Variants in PLEC observed in about 807,000 individuals in gnomAD.
PLEC encodes the protein plectin.
PLEC carries 216 observed loss-of-function variants against 392.8 expected under a neutral mutation model. The ratio of observed to expected loss-of-function variants is 0.55; its 90% confidence interval spans 0.49 to 0.62. The LOEUF is 0.62. Ranked by LOEUF, PLEC falls within the 20% of genes least tolerant of loss-of-function variation. The pLI, the probability that PLEC is intolerant of heterozygous loss-of-function variation, is 0.00. For missense variants in PLEC, 6,863 were observed against 6,563.4 expected (o/e 1.05, Z -1.58); for synonymous variants, 3,621 against 2,980.6 (o/e 1.21, Z -7.00).
At chr8:143,947,915 G>A (rs1831689838) in intron 1 of PLEC, among the ~76,000 whole-genome samples, 1 of 152,168 alleles carries the variant, frequency 6.6e-6, no homozygotes, top group Non-Finnish European at 1.5e-5. Flanking sequence ...CCCTCTCTCT[G>A]GGCTGCTCCT....
intron 1 of PLEC, among the ~76,000 whole-genome samples, chr8:143,947,437 C>T (rs1480870942): frequency 2.0e-5 from 3 of 152,220 alleles, no homozygotes; most frequent in African/African-American, 7.2e-5. Flanking sequence ...GAATTTTGAG[C>T]CAGGCAAAGC....
chr8:143,962,388 C>T (rs1017535669), intron 1 of PLEC, among the ~76,000 whole-genome samples: 1 of 152,188 alleles, frequency 6.6e-6, no homozygotes, highest in Admixed American at 6.5e-5. Flanking sequence ...TTCTGGCCTC[C>T]GGAACAATCA....
In PLEC at chr8:143,924,892, C is replaced by T. The variant is rs782627006; in HGVS notation, c.5037G>A (p.Ala1679=). 91 of 1,588,798 alleles carry T rather than the reference C, an allele frequency of 5.7e-5. No homozygotes were observed. In the Middle Eastern group the frequency reaches 1.2e-3, roughly 20 times the overall value. ...AEREARRRGK[A]EEQAVRQREL... The stretch of plus-strand genomic sequence containing the variant: ...CCCGCTGCCGGACGGCCTGCTCCTC[C>T]GCCTTGCCGCGCCGCCGCGCCTCGC... Residue 1679 remains alanine, a synonymous_variant, in exon 31 of 32, where the codon GCG becomes GCA. Transcript: ENST00000345136.
chr8:143,919,207 CA>C lies in PLEC; in HGVS notation c.10613del (p.Leu3538CysfsTer6). 6.2e-7 allele frequency: 1 copy of C among 1,613,844 alleles called. No homozygotes were observed. The highest frequency in any genetic ancestry group is 8.5e-7 in the Non-Finnish European group (1 of 1,180,034). ...CCGCCCCTTTCAGTGGCAGAAGGCG[CA>C]AGCCCGTCTCGGGGTCCTCCACGCA... Reference protein sequence around the residue: ...ERCVEDPETGLRLLPLKGAEK... With the variant: ...ERCVEDPETGXRLLPLKGAEK... On this transcript the variant is annotated frameshift_variant, in exon 32 of 32. Transcript: ENST00000345136. LOFTEE classifies it high-confidence loss of function.
rs2131583345 is a variant in PLEC, at chr8:143,927,091, T to G, written c.3841-10A>C. The G allele has an allele frequency of 6.2e-7, 1 of 1,606,492 alleles. No homozygotes were observed. Among genetic ancestry groups the G allele is most frequent in the Non-Finnish European group, 8.5e-7 (1 of 1,176,880 alleles). Reference sequence around the variant, plus strand: ...GCTGGAGTTCATAGTCCTGTGGCAATGCACTGCGGTCAGCCACCAGCTCTG... The same window carrying G: ...GCTGGAGTTCATAGTCCTGTGGCAAGGCACTGCGGTCAGCCACCAGCTCTG... On this transcript the variant is annotated splice_polypyrimidine_tract_variant and intron_variant, in intron 28 of 31. Transcript: ENST00000345136.
chr8:143,926,603 C>G (rs1825275743), intron 30 of PLEC, among the ~76,000 whole-genome samples, 181 bp downstream of exon 30: 2 of 152,126 alleles, frequency 1.3e-5, no homozygotes, highest in South Asian at 2.1e-4. Context: ...GCCAGGGGGG[C>G]AGGCCACAGG....
chr8:143,927,539 C>A lies in PLEC; in HGVS notation c.3627G>T (p.Leu1209=). ...QRELEQLGRQ[L]RYYRESADPL... ...GGTCTGCACTCTCGCGGTAGTAACGCAGCTGGCGGCCCAGTTGCTCGAGCT... is the reference window on the plus strand; with the variant it reads ...GGTCTGCACTCTCGCGGTAGTAACGAAGCTGGCGGCCCAGTTGCTCGAGCT... The change falls in exon 27 of 32, where the codon CTG becomes CTT. Residue 1209 remains leucine (L), a synonymous_variant. Transcript: ENST00000345136. 6.3e-7 allele frequency: 1 copy of A among 1,596,802 alleles called. No individual in the cohort carries two copies. Among genetic ancestry groups the A allele is most frequent in the Non-Finnish European group, 8.5e-7 (1 of 1,178,752 alleles).
upstream of PLEC, chr8:143,954,043 G>T: frequency 1.4e-6 from 1 of 732,496 alleles, no homozygotes; most frequent in African/African-American, 1.9e-5. The surrounding 1 kb of genome is among the most constrained non-coding windows in gnomAD (Gnocchi z 4.6). Flanking sequence ...TCACCAGGCC[G>T]GATCCAGGAG....
intron 1 of PLEC, chr8:143,946,387 G>GT: frequency 1.6e-6 from 2 of 1,288,830 alleles, no homozygotes; most frequent in Non-Finnish European, 1.0e-6. Context: ...TGCTGTACCT[G>GT]TCCATGGCTG....
chr8:143,923,773 C>T lies in PLEC; in HGVS notation c.6156G>A (p.Lys2052=), dbSNP rs782488625. The T allele has an allele frequency of 8.9e-5, 140 of 1,569,440 alleles. No individual in the cohort carries two copies. Among genetic ancestry groups the T allele is most frequent in the Middle Eastern group, 3.3e-4 (2 of 5,992 alleles). The change falls in exon 31 of 32, where the codon AAG becomes AAA. Residue 2052 remains lysine (K), a synonymous_variant. Coordinates refer to ENST00000345136, the MANE Select transcript of PLEC (RefSeq NM_201384.3). ...AAQKRLQAEE[K]AHAFAVQQKE... is the part of the protein sequence containing the mutation. ...TCTGCTGCACCGCGAAGGCGTGTGC[C>T]TTCTCTTCCGCCTGCAGCCGCTTCT...
chr8:143,944,795 C>G, intron 1 of PLEC: 1 of 981,142 alleles, frequency 1.0e-6, no homozygotes, highest in Non-Finnish European at 1.4e-6. Context: ...GTGCTGCTGT[C>G]AGCAGCAGCT....
Position 143,935,179 on chromosome 8 carries a change from G to C in PLEC, c.718+19C>G. On this transcript the variant is annotated intron_variant, in intron 7 of 31. Transcript: ENST00000345136. ...AGGCAGCAGGGGAAGGGACAGGGAG[G>C]AAGGCCACGCAGACGTACCCTCAGG... 1 of 1,611,216 alleles carries C rather than the reference G, an allele frequency of 6.2e-7. No homozygotes were observed. Among genetic ancestry groups the C allele is most frequent in the Admixed American group, 1.7e-5 (1 of 60,018 alleles).
upstream of PLEC, among the ~76,000 whole-genome samples, chr8:143,954,954 T>A (rs1378883073): frequency 6.6e-6 from 1 of 152,250 alleles, no homozygotes; most frequent in East Asian, 1.9e-4. The surrounding 1 kb of genome is among the most constrained non-coding windows in gnomAD (Gnocchi z 4.6). Flanking sequence ...GGGGCTGGCA[T>A]GGAGGACGTG....
Position 143,917,767 on chromosome 8 carries a change from G to C in PLEC, c.12054C>G (p.Tyr4018Ter), listed in dbSNP as rs1236196452. ...GGAAGAGGGAGATGAGCTTCCCAGAGTAGGGGTCCTTGTACCCAGTGACGG... is the reference window on the plus strand; with the variant it reads ...GGAAGAGGGAGATGAGCTTCCCAGACTAGGGGTCCTTGTACCCAGTGACGG... ...ERAVTGYKDP[Y>*]SGKLISLFQA... Residue 4018 changes from tyrosine to a stop codon, truncating the protein, a stop_gained, in exon 32 of 32, where the codon TAC (tyrosine) becomes TAG (stop). Coordinates refer to ENST00000345136, the MANE Select transcript of PLEC (RefSeq NM_201384.3). LOFTEE classifies it high-confidence loss of function. The C allele has an allele frequency of 6.2e-7, 1 of 1,613,510 alleles. No individual in the cohort carries two copies. Among genetic ancestry groups the C allele is most frequent in the African/African-American group, 1.3e-5 (1 of 74,920 alleles).
chr8:143,967,166 G>A lies in PLEC; in HGVS notation c.70+6237C>T, dbSNP rs546766614. On this transcript the variant is annotated intron_variant, in intron 1 of 31. Transcript: ENST00000356346. ...ATCACGAGGTCAGGAGATCGAGACT[G>A]TCCTGGCTAACACGGTGAAACCCCG... 1.3e-3 allele frequency among the ~76,000 whole-genome samples: 193 copies of A among 151,648 alleles called. 1 individual carries two copies. Among genetic ancestry groups the A allele is most frequent in the African/African-American group, 4.0e-3 (166 of 41,352 alleles).
intron 1 of PLEC, among the ~76,000 whole-genome samples, chr8:143,947,675 G>A (rs193234541): frequency 1.3e-5 from 2 of 152,242 alleles, no homozygotes; most frequent in East Asian, 1.9e-4. Flanking sequence ...GCTTCAACCC[G>A]GGAGGCGGAG....
rs374581957 is a variant in PLEC, at chr8:143,938,238, G to A, written c.177C>T (p.Ala59=). 1.0e-5 allele frequency: 16 copies of A among 1,598,442 alleles called. No homozygotes were observed. The African/African-American group carries it at 1.5e-4, about 15-fold the overall frequency. ...CATACAGGTCACTGATGTGCCTCTG[G>A]GCCTGTGGGGACAGCAGCGGCTGAG... ...TKWVNKHLIK[A]QRHISDLYED... Residue 59 remains alanine, a splice_region_variant and synonymous_variant, in exon 3 of 32, where the codon GCC becomes GCT. Transcript: ENST00000345136.
intron 3 of PLEC, 76 bp from the exon 4 acceptor site, chr8:143,937,318 C>T (rs965786139): frequency 3.9e-5 from 43 of 1,090,760 alleles, no homozygotes; most frequent in East Asian, 1.7e-4. Flanking sequence ...CCCAAAGCGC[C>T]GCAGCAACCG....
In PLEC at chr8:143,929,468, C is replaced by G. The variant is rs781990642; in HGVS notation, c.3027G>C (p.Leu1009=). 9 of 1,598,336 alleles carry G rather than the reference C, an allele frequency of 5.6e-6. No individual in the cohort carries two copies. In the East Asian group the frequency reaches 1.8e-4, roughly 32 times the overall value. Reference sequence around the variant, plus strand: ...CCCGTGCCGGCTCTTTGTCCAGCGGCAGCCGCAGGCGGTGCACGGTGCGCG... The same window carrying G: ...CCCGTGCCGGCTCTTTGTCCAGCGGGAGCCGCAGGCGGTGCACGGTGCGCG... ...CETRTVHRLR[L]PLDKEPAREC... is the part of the protein sequence containing the mutation. Residue 1009 remains leucine (L), a synonymous_variant, in exon 24 of 32, where the codon CTG becomes CTC. Coordinates refer to ENST00000345136, the MANE Select transcript of PLEC (RefSeq NM_201384.3).
Sources: allele counts gnomAD v4.1 joint callset (sites outside exome capture counted in the v4.1 genomes callset), GRCh38; gene constraint gnomAD v4.1.1; non-coding constraint Gnocchi (gnomAD v3.1); transcripts MANE v1.5; gene names NCBI Gene and HGNC (gene_info 2026-07-23, HGNC 2026-07-21).